TMED8: variants seen among roughly 807,000 people sequenced by gnomAD.
The protein encoded by TMED8 is transmembrane p24 trafficking protein family member 8, also known as protein TMED8.
In TMED8, 15 loss-of-function variants were observed where a neutral mutation model predicts 32.7. The observed-to-expected ratio is 0.46, with a 90% CI of 0.31 to 0.71. The LOEUF (loss-of-function observed/expected upper bound fraction) is 0.71, where lower values mean the gene tolerates loss of function less well. TMED8 is among the 30% of genes least tolerant of loss of function. The probability of loss-of-function intolerance (pLI) is 0.06; values close to 1 mark genes in which losing one functional copy is unlikely to be tolerated. For missense variants in TMED8, 390 were observed against 423.9 expected (o/e 0.92, Z 0.70); for synonymous variants, 147 against 161.4 (o/e 0.91, Z 0.68).
intron 1 of TMED8, among the ~76,000 whole-genome samples, chr14:77,372,932 ATATATATATATATATATATATTT>A (rs1247898617): frequency 7.1e-4 from 23 of 32,352 alleles, no homozygotes; most frequent in African/African-American, 3.8e-3. Flanking sequence ...ATATATATAT[ATATATATATATATATATATATTT>A]TTTTTTTTTT....
rs1261929586 is a variant in TMED8, at chr14:77,376,875, C to T, written c.118+61G>A. 3 of 1,086,138 alleles carry T rather than the reference C, an allele frequency of 2.8e-6. No individual in the cohort carries two copies. The highest frequency in any genetic ancestry group is 6.6e-5 in the East Asian group (2 of 30,400). 67.3% of individuals were successfully genotyped at this position (1,086,138 alleles called of 1,614,324 possible). A position where few individuals can be genotyped will look rare whatever the true frequency, so the allele number is the denominator to read the frequency against. ...GGACAGAGCGCGGCGGAGGCTCGCG[C>T]CGTGGTGCGGGGCCCTGAGGCCGGG... On this transcript the variant is annotated intron_variant, in intron 1 of 5. Transcript: ENST00000216468. This position sits in a 1 kb window ranked among gnomAD's most constrained non-coding sequence, Gnocchi z 4.0.
In TMED8 at chr14:77,341,599, G is replaced by A. The variant is rs1162000978; in HGVS notation, c.*172C>T. ...CAGGGGCACTACACCACCACCTGCA[G>A]AAGCCAAGAAGGGGAAAAAGCTACG... On this transcript the variant is annotated 3_prime_UTR_variant, in exon 6 of 6. Coordinates refer to ENST00000216468, the MANE Select transcript of TMED8 (RefSeq NM_213601.3). 6 of 638,210 alleles carry A rather than the reference G, an allele frequency of 9.4e-6. No homozygotes were observed. Among genetic ancestry groups the A allele is most frequent in the Admixed American group, 5.6e-5 (2 of 35,860 alleles). 39.5% of individuals were successfully genotyped at this position (638,210 alleles called of 1,614,324 possible). A position where few individuals can be genotyped will look rare whatever the true frequency, so the allele number is the denominator to read the frequency against.
At chr14:77,348,230 CT>C (rs11374350) in intron 2 of TMED8, among the ~76,000 whole-genome samples, 3 of 148,330 alleles carry the variant, frequency 2.0e-5, no homozygotes, top group Non-Finnish European at 1.5e-5. Context: ...GTTTTAATTT[CT>C]TTTTTTTTTT....
chr14:77,367,095 T>A (rs1304883927), intron 1 of TMED8, among the ~76,000 whole-genome samples: 1 of 151,502 alleles, frequency 6.6e-6, no homozygotes, highest in Non-Finnish European at 1.5e-5. Context: ...AAATACAAAA[T>A]TAGCCAGGCA....
rs1287256898 is a variant in TMED8 at position 77,338,017 on chromosome 14, A to G, written c.*3754T>C. 1 of 152,168 alleles carries G rather than the reference A, an allele frequency of 6.6e-6. No individual in the cohort carries two copies. Among genetic ancestry groups the G allele is most frequent in the Non-Finnish European group, 1.5e-5 (1 of 68,028 alleles). The allele number at this position is 152,168 out of a possible 1,614,324, so 9.4% of individuals were successfully genotyped here. ...AAGGAACCTGAAAAACTAGTCCATG[A>G]TGGGAAGACAGGGTGCCTCATATTA... is the stretch of plus-strand genomic sequence containing the variant. On this transcript the variant is annotated 3_prime_UTR_variant, in exon 6 of 6. Coordinates refer to ENST00000216468, the MANE Select transcript of TMED8 (RefSeq NM_213601.3).
intron 1 of TMED8, among the ~76,000 whole-genome samples, chr14:77,371,272 C>G (rs1264317888): frequency 1.3e-5 from 2 of 152,166 alleles, no homozygotes; most frequent in Non-Finnish European, 2.9e-5. Context: ...AATTTACAAT[C>G]TCATTAGCAA....
chr14:77,363,348 C>A (rs913113092), intron 1 of TMED8, among the ~76,000 whole-genome samples: 1 of 152,156 alleles, frequency 6.6e-6, no homozygotes. Context: ...AAACAACCTG[C>A]TCCTGAACAA....
chr14:77,372,953 T>TATATATATATA (rs71128617), intron 1 of TMED8, among the ~76,000 whole-genome samples: 1 of 12,372 alleles, frequency 8.1e-5, no homozygotes, highest in African/African-American at 5.2e-4. Context: ...TATATATATA[T>TATATATATATA]TTTTTTTTTT....
intron 1 of TMED8, among the ~76,000 whole-genome samples, chr14:77,362,932 T>C (rs557303203): frequency 6.6e-5 from 10 of 152,274 alleles, no homozygotes; most frequent in African/African-American, 2.2e-4. Flanking sequence ...ATAACAATTA[T>C]AAATACATAT....
intron 1 of TMED8, among the ~76,000 whole-genome samples, chr14:77,360,399 T>C (rs923623542): frequency 1.3e-5 from 2 of 152,060 alleles, no homozygotes; most frequent in African/African-American, 4.8e-5. Context: ...TGTTTCTGTG[T>C]ACTTGACTTT....
In TMED8 at chr14:77,341,708, G is replaced by A; in HGVS notation, c.*63C>T. 1 of 1,541,888 alleles carries A rather than the reference G, an allele frequency of 6.5e-7. No individual in the cohort carries two copies. The highest frequency in any genetic ancestry group is 1.1e-5 in the South Asian group (1 of 88,082). On this transcript the variant is annotated 3_prime_UTR_variant, in exon 6 of 6. Transcript: ENST00000216468. ...TTTGGCTCTTGCCTATCCCAAACAA[G>A]AGGCACCAGCTGGCAGCCTGCTTCA... is the stretch of plus-strand genomic sequence containing the variant.
At chr14:77,365,607 C>T (rs1318606625) in intron 1 of TMED8, among the ~76,000 whole-genome samples, 1 of 152,168 alleles carries the variant, frequency 6.6e-6, no homozygotes, top group Non-Finnish European at 1.5e-5. Context: ...GGCCACTGCA[C>T]CAATGCAGAG....
intron 1 of TMED8, among the ~76,000 whole-genome samples, chr14:77,356,712 T>C (rs1158031018): frequency 6.6e-6 from 1 of 152,210 alleles, no homozygotes; most frequent in East Asian, 1.9e-4. Context: ...CTCCAAGTTG[T>C]CTCCCAGAAT....
At chr14:77,367,695 C>CTT (rs769529439) in intron 1 of TMED8, among the ~76,000 whole-genome samples, 3 of 144,864 alleles carry the variant, frequency 2.1e-5, no homozygotes, top group Admixed American at 6.9e-5. Flanking sequence ...AACTTTCTTT[C>CTT]TTTTTTTTTT....
intron 1 of TMED8, among the ~76,000 whole-genome samples, chr14:77,373,004 C>T (rs10145328): frequency 0.25 from 23,125 of 92,838 alleles, 3,964 homozygotes; most frequent in Middle Eastern, 0.36. Flanking sequence ...CTCCCTCTGT[C>T]GCCCAGGCTG....
chr14:77,346,287 C>A, intron 3 of TMED8, 62 bp downstream of exon 3: 1 of 1,571,776 alleles, frequency 6.4e-7, no homozygotes, highest in Non-Finnish European at 8.7e-7. Flanking sequence ...TCCAACCCAA[C>A]CACTATGTGT....
At chr14:77,371,042 C>T (rs1893667919) in intron 1 of TMED8, among the ~76,000 whole-genome samples, 1 of 152,082 alleles carries the variant, frequency 6.6e-6, no homozygotes, top group African/African-American at 2.4e-5. Context: ...CATAACTGCA[C>T]ATGAAAAGCT....
chr14:77,376,880 G>T lies in TMED8; in HGVS notation c.118+56C>A. On this transcript the variant is annotated intron_variant, in intron 1 of 5. Coordinates refer to ENST00000216468, the MANE Select transcript of TMED8 (RefSeq NM_213601.3). The surrounding 1 kb of genome is among the most constrained non-coding windows in gnomAD (Gnocchi z 4.0). ...GAGCGCGGCGGAGGCTCGCGCCGTG[G>T]TGCGGGGCCCTGAGGCCGGGCGGCA... 1.8e-6 allele frequency: 2 copies of T among 1,135,326 alleles called. No individual in the cohort carries two copies. Among genetic ancestry groups the T allele is most frequent in the Middle Eastern group, 3.1e-4 (1 of 3,180 alleles). 70.3% of individuals were successfully genotyped at this position (1,135,326 alleles called of 1,614,324 possible).
Position 77,339,507 on chromosome 14 carries a change from G to C in TMED8, c.*2264C>G, listed in dbSNP as rs912819780. Reference sequence around the variant, plus strand: ...GTTTCAATTTGAGAGAAAGGCAGAAGTTAATAATAAACAGGAAAAATAAGC... The same window carrying C: ...GTTTCAATTTGAGAGAAAGGCAGAACTTAATAATAAACAGGAAAAATAAGC... On this transcript the variant is annotated 3_prime_UTR_variant, in exon 6 of 6. Transcript: ENST00000216468. 6.6e-6 allele frequency: 1 copy of C among 152,224 alleles called. No homozygotes were observed. Among genetic ancestry groups the C allele is most frequent in the African/African-American group, 2.4e-5 (1 of 41,456 alleles). 9.4% of individuals were successfully genotyped at this position (152,224 alleles called of 1,614,324 possible).
Sources: gnomAD v4.1 joint callset for allele counts (sites outside exome capture counted in the v4.1 genomes callset) on GRCh38, gnomAD v4.1.1 for gene constraint, Gnocchi (gnomAD v3.1) non-coding constraint, MANE v1.5 for transcripts, NCBI Gene and HGNC (gene_info 2026-07-23, HGNC 2026-07-21) for gene names.